C2orf76: variants seen among roughly 807,000 people sequenced by gnomAD.
C2orf76 encodes the protein UPF0538 protein C2orf76.
In C2orf76, 23 loss-of-function variants were observed where a neutral mutation model predicts 16.9. The observed-to-expected ratio is 1.36, with a 90% confidence interval of 0.98 to 1.93. C2orf76 has a LOEUF of 1.93. Among genes scored for constraint, C2orf76 ranks in the 30% most tolerant of loss-of-function variants. The pLI, the probability that C2orf76 is intolerant of heterozygous loss-of-function variation, is 0.00. For missense variants in C2orf76, 152 were observed against 152.6 expected, an observed-to-expected ratio of 1.00 and a Z score of 0.02; for synonymous variants, 48 against 52.3, an observed-to-expected ratio of 0.92 and a Z score of 0.35.
downstream of C2orf76, among the ~76,000 whole-genome samples, chr2:119,297,775 G>A (rs375967372): frequency 6.6e-6 from 1 of 152,182 alleles, no homozygotes. Flanking sequence ...GGGATTACAG[G>A]TGTGAGCCAC....
intron 1 of C2orf76, among the ~76,000 whole-genome samples, chr2:119,354,504 CAG>C (rs1430754485): frequency 2.0e-5 from 3 of 152,182 alleles, no homozygotes; most frequent in African/African-American, 7.2e-5. Flanking sequence ...GCCTGGGAGA[CAG>C]TGTGAGGCTC....
At chr2:119,359,052 G>A (rs528661071) in intron 1 of C2orf76, among the ~76,000 whole-genome samples, 3 of 152,262 alleles carry the variant, frequency 2.0e-5, no homozygotes, top group Admixed American at 1.3e-4. Context: ...TAAGGCAGCT[G>A]GTGACTTTCA....
At chr2:119,351,783 T>C (rs1466344173) in intron 1 of C2orf76, among the ~76,000 whole-genome samples, 1 of 151,964 alleles carries the variant, frequency 6.6e-6, no homozygotes, top group Non-Finnish European at 1.5e-5. Context: ...CATAGTGTTG[T>C]CTTGTTTGAC....
At chr2:119,313,614 G>A (rs1468118426) in intron 4 of C2orf76, among the ~76,000 whole-genome samples, 1 of 132,786 alleles carries the variant, frequency 7.5e-6, no homozygotes. Flanking sequence ...AAAAAACAAA[G>A]AATAAGTAAT....
intron 3 of C2orf76, among the ~76,000 whole-genome samples, chr2:119,319,708 T>C (rs1337096458): frequency 6.6e-6 from 1 of 152,120 alleles, no homozygotes; most frequent in Non-Finnish European, 1.5e-5. Flanking sequence ...CTCTGAGATA[T>C]CTCAGGCTCT....
intron 2 of C2orf76, among the ~76,000 whole-genome samples, chr2:119,322,688 T>G (rs1017776832): frequency 6.6e-6 from 1 of 152,132 alleles, no homozygotes; most frequent in South Asian, 2.1e-4. Flanking sequence ...ACTTTTCAAC[T>G]GTTAAAAGAA....
At chr2:119,366,899 G>A (rs942679126), upstream of C2orf76, 5 of 996,894 alleles carry the variant, frequency 5.0e-6, no homozygotes, top group African/African-American at 6.5e-5. Context: ...CTAGCGCATA[G>A]CTGGCTTCTG....
the C2orf76 span, among the ~76,000 whole-genome samples, chr2:119,291,194 C>T: frequency 3.7e-4 from 56 of 152,056 alleles, 1 homozygote; most frequent in South Asian, 7.6e-3. Flanking sequence ...AGCTGCTCGG[C>T]AAGATGTAAA....
downstream of C2orf76, among the ~76,000 whole-genome samples, chr2:119,299,380 T>C (rs1678583015): frequency 6.6e-6 from 1 of 152,254 alleles, no homozygotes; most frequent in Non-Finnish European, 1.5e-5. Context: ...TCTATTGAGA[T>C]AAACATAATA....
chr2:119,336,197 C>T (rs1029197649), intron 2 of C2orf76, among the ~76,000 whole-genome samples: 3 of 151,896 alleles, frequency 2.0e-5, no homozygotes. Flanking sequence ...AAGTTTGAGA[C>T]CAGCCTACCA....
intron 2 of C2orf76, 72 bp downstream of exon 2, chr2:119,339,755 A>T (rs1284706540): frequency 3.5e-6 from 5 of 1,437,756 alleles, no homozygotes; most frequent in Non-Finnish European, 4.8e-6. Context: ...TTTGTTAAAG[A>T]TTATTATTAA....
At chr2:119,288,038 G>GCAGAGCTTACAGTGAGCCGAGA in the C2orf76 span, among the ~76,000 whole-genome samples, 1 of 152,012 alleles carries the variant, frequency 6.6e-6, no homozygotes, top group Non-Finnish European at 1.5e-5. Context: ...CACAAAGGAG[G>GCAGAGCTTACAGTGAGCCGAGA]TTTTGGGGGT....
intron 2 of C2orf76, among the ~76,000 whole-genome samples, chr2:119,332,118 C>T (rs1173561960): frequency 6.6e-6 from 1 of 151,804 alleles, no homozygotes; most frequent in Admixed American, 6.6e-5. Context: ...CATTTCAATA[C>T]AAAAATCAAT....
chr2:119,316,491 T>C (rs926576103), intron 4 of C2orf76, among the ~76,000 whole-genome samples: 2 of 152,214 alleles, frequency 1.3e-5, no homozygotes, highest in African/African-American at 4.8e-5. Context: ...CACAAAAATA[T>C]TTTTTAAATA....
At chr2:119,357,552 A>T (rs1680608138) in intron 1 of C2orf76, among the ~76,000 whole-genome samples, 1 of 150,934 alleles carries the variant, frequency 6.6e-6, no homozygotes, top group South Asian at 2.1e-4. Context: ...ACAAGAAAAG[A>T]GGGGAACATC....
chr2:119,332,521 T>C (rs1472661261), intron 2 of C2orf76, among the ~76,000 whole-genome samples: 2 of 152,108 alleles, frequency 1.3e-5, no homozygotes, highest in African/African-American at 4.8e-5. Context: ...ATTTTACAAA[T>C]GTTAACATGT....
chr2:119,351,759 C>CA lies in C2orf76; in HGVS notation c.-12-11789dup, dbSNP rs111629177. Among the ~76,000 whole-genome samples, 92 of 141,202 alleles carry CA rather than the reference C, an allele frequency of 6.5e-4. 1 individual carries two copies. Among genetic ancestry groups the CA allele is most frequent in the Middle Eastern group, 3.6e-3 (1 of 274 alleles). 92.6% of individuals were successfully genotyped at this position (141,202 alleles called of 152,430 possible). ...TGGGCAACAGAGCGAGATCCTGTCT[C>CA]AAAAAAAAAAAAGCATAGTGTTGTC... On this transcript the variant is annotated intron_variant, in intron 1 of 5. Coordinates refer to ENST00000334816, the MANE Select transcript of C2orf76 (RefSeq NM_001322331.2).
At chr2:119,287,520 T>C in the C2orf76 span, among the ~76,000 whole-genome samples, 1 of 133,772 alleles carries the variant, frequency 7.5e-6, no homozygotes, top group East Asian at 2.0e-4. Context: ...AATAACATGT[T>C]TTTTTTTTTA....
intron 1 of C2orf76, among the ~76,000 whole-genome samples, chr2:119,351,867 C>T (rs1465178732): frequency 6.6e-6 from 1 of 152,096 alleles, no homozygotes; most frequent in African/African-American, 2.4e-5. Flanking sequence ...CAAGAAAGTG[C>T]CATGAATATT....
Sources: allele counts gnomAD v4.1 joint callset (sites outside exome capture counted in the v4.1 genomes callset), GRCh38; gene constraint gnomAD v4.1.1; transcripts MANE v1.5; gene names NCBI Gene and HGNC (gene_info 2026-07-23, HGNC 2026-07-21).